Variants in ANKFN1 observed in about 807,000 individuals in gnomAD.
The protein encoded by ANKFN1 is ankyrin repeat and fibronectin type III domain containing 1.
A neutral mutation model predicts 108.7 loss-of-function variants in ANKFN1; 74 were observed. The observed-to-expected ratio is 0.68, with a 90% CI of 0.56 to 0.83. The LOEUF (loss-of-function observed/expected upper bound fraction) is 0.83. Among genes scored for constraint, ANKFN1 ranks in the 40% least tolerant of loss-of-function variants. The probability of loss-of-function intolerance (pLI) is 0.00; values close to 1 mark genes in which losing one functional copy is unlikely to be tolerated. For missense variants in ANKFN1, 1,505 were observed against 1,382.3 expected, an observed-to-expected ratio of 1.09 and a Z score of -1.41; for synonymous variants, 547 against 516.2, an observed-to-expected ratio of 1.06 and a Z score of -0.81.
intron 3 of ANKFN1, among the ~76,000 whole-genome samples, chr17:56,315,832 C>T (rs574036590): frequency 6.6e-6 from 1 of 152,162 alleles, no homozygotes; most frequent in Admixed American, 6.5e-5. Context: ...AGAACTAGGC[C>T]AGAAATAAAA....
intron 8 of ANKFN1, 38 bp from the exon 9 acceptor site, chr17:56,440,289 C>CCTCTTTCTCTCT: frequency 7.5e-7 from 1 of 1,338,996 alleles, no homozygotes; most frequent in Non-Finnish European, 1.1e-6. Context: ...TTTTATTCTC[C>CCTCTTTCTCTCT]CTCTTTCTCT....
intron 4 of ANKFN1, among the ~76,000 whole-genome samples, chr17:56,134,574 A>G (rs753204718): frequency 4.6e-5 from 7 of 152,178 alleles, no homozygotes; most frequent in Non-Finnish European, 5.9e-5. Context: ...AAGACCAAAT[A>G]TTAGAACTAA....
chr17:56,078,827 G>T (rs1905212006), intron 4 of ANKFN1, among the ~76,000 whole-genome samples: 1 of 152,174 alleles, frequency 6.6e-6, no homozygotes, highest in Non-Finnish European at 1.5e-5. Flanking sequence ...GATGTATGTG[G>T]AGAAAAGGAG....
chr17:56,349,565 C>G (rs1329258420), intron 4 of ANKFN1, among the ~76,000 whole-genome samples: 1 of 151,956 alleles, frequency 6.6e-6, no homozygotes. Flanking sequence ...ATAATAGACT[C>G]TCATATGTGC....
At chr17:56,090,897 C>T (rs1322276180) in intron 4 of ANKFN1, among the ~76,000 whole-genome samples, 1 of 151,206 alleles carries the variant, frequency 6.6e-6, no homozygotes. Flanking sequence ...TGTGAGCCAC[C>T]GTGCCTGGCT....
Position 56,326,222 on chromosome 17 carries a change from A to T in ANKFN1, c.55A>T (p.Ile19Leu). ...KDRHFTCSKI[I>L]GRRFACFAQR... ...GTTCGCATTTTATTCTTTACACAGA[A>T]TAGGAAGGAGATTCGCTTGCTTTGC... The change falls in exon 4 of 21, where the codon ATA becomes TTA. Residue 19 changes from isoleucine (I) to leucine (L), a missense_variant and splice_region_variant. Transcript: ENST00000682825. 6.2e-7 allele frequency: 1 copy of T among 1,611,780 alleles called. No homozygotes were observed. Among genetic ancestry groups the T allele is most frequent in the Non-Finnish European group, 8.5e-7 (1 of 1,179,092 alleles).
At chr17:56,428,800 T>A (rs1000524019) in intron 8 of ANKFN1, among the ~76,000 whole-genome samples, 3 of 151,884 alleles carry the variant, frequency 2.0e-5, no homozygotes, top group Non-Finnish European at 4.4e-5. Flanking sequence ...ACCAGCAGAC[T>A]GTAGATGAGG....
chr17:56,285,732 TTCC>T (rs2044197520), intron 3 of ANKFN1, among the ~76,000 whole-genome samples: 1 of 152,138 alleles, frequency 6.6e-6, no homozygotes, highest in Non-Finnish European at 1.5e-5. Context: ...AATAGTCCTC[TTCC>T]TCAATTCTCC....
chr17:56,155,972 T>C (rs568147832), intron 1 of ANKFN1, among the ~76,000 whole-genome samples: 1 of 152,286 alleles, frequency 6.6e-6, no homozygotes, highest in South Asian at 2.1e-4. Context: ...TGGATGTGGT[T>C]GGATAGGCCT....
chr17:56,264,457 A>C (rs967992492), intron 3 of ANKFN1, among the ~76,000 whole-genome samples: 5 of 152,176 alleles, frequency 3.3e-5, no homozygotes, highest in Non-Finnish European at 5.9e-5. Context: ...GGTTTTCAAG[A>C]GCTCATTAAG....
intron 1 of ANKFN1, among the ~76,000 whole-genome samples, chr17:56,175,894 G>A (rs1399946478): frequency 6.8e-6 from 1 of 146,108 alleles, no homozygotes; most frequent in Non-Finnish European, 1.5e-5. Flanking sequence ...GGTTTGAAAT[G>A]GCTAGAATTA....
At chr17:56,346,732 A>ATTTT (rs11394329) in intron 4 of ANKFN1, among the ~76,000 whole-genome samples, 1 of 149,978 alleles carries the variant, frequency 6.7e-6, no homozygotes, top group Non-Finnish European at 1.5e-5. Context: ...TTGACGTACT[A>ATTTT]TTTTTTTTTT....
intron 4 of ANKFN1, among the ~76,000 whole-genome samples, chr17:56,051,343 A>G (rs1904771091): frequency 9.8e-5 from 12 of 122,948 alleles, no homozygotes; most frequent in African/African-American, 3.9e-4. Flanking sequence ...ATAGATGCAG[A>G]AAAAGCCTTT....
chr17:56,505,814 G>T lies in ANKFN1; in HGVS notation c.2645-4659G>T, dbSNP rs557534360. Among the ~76,000 whole-genome samples the T allele has an allele frequency of 2.0e-5, 3 of 152,220 alleles. No homozygotes were observed. The South Asian group carries it at 6.2e-4, about 32-fold the overall frequency. On this transcript the variant is annotated intron_variant, in intron 20 of 20. Transcript: ENST00000682825. Reference sequence around the variant, plus strand: ...ATATTACACTGTCAGCTCATTTAAGGCACATTTCGTATACTCCTTAGTCCC... The same window carrying T: ...ATATTACACTGTCAGCTCATTTAAGTCACATTTCGTATACTCCTTAGTCCC...
intron 3 of ANKFN1, among the ~76,000 whole-genome samples, chr17:56,313,488 G>A (rs969828849): frequency 1.6e-4 from 25 of 152,166 alleles, no homozygotes; most frequent in Non-Finnish European, 2.6e-4. Context: ...GCCTCATAAA[G>A]ACACTGTGTG....
At chr17:56,084,180 A>G (rs188015672) in intron 4 of ANKFN1, among the ~76,000 whole-genome samples, 1 of 151,234 alleles carries the variant, frequency 6.6e-6, no homozygotes, top group East Asian at 1.9e-4. Flanking sequence ...CCCTCTAGAG[A>G]CATATTTTGG....
intron 4 of ANKFN1, among the ~76,000 whole-genome samples, chr17:56,096,856 CCAACT>C (rs1298236560): frequency 6.6e-6 from 1 of 152,088 alleles, no homozygotes; most frequent in Non-Finnish European, 1.5e-5. Context: ...AGATAAAGAA[CCAACT>C]TAAATGTCTA....
At chr17:56,058,933 C>T (rs142919516) in intron 4 of ANKFN1, among the ~76,000 whole-genome samples, 293 of 152,206 alleles carry the variant, frequency 1.9e-3, no homozygotes, top group South Asian at 3.5e-3. Flanking sequence ...GATTTATAAC[C>T]CTTTGGGTAT....
chr17:56,339,668 G>A (rs1233241032), intron 4 of ANKFN1, among the ~76,000 whole-genome samples: 3 of 152,108 alleles, frequency 2.0e-5, no homozygotes, highest in Non-Finnish European at 4.4e-5. Context: ...AGTATTCCAT[G>A]TTATATGTGT....
Sources: allele counts gnomAD v4.1 joint callset (sites outside exome capture counted in the v4.1 genomes callset), GRCh38; gene constraint gnomAD v4.1.1; transcripts MANE v1.5; gene names NCBI Gene and HGNC (gene_info 2026-07-23, HGNC 2026-07-21).